The following DOCK5 variants were observed in gnomAD, a reference collection of about 807,000 sequenced individuals.
The protein encoded by DOCK5 is dedicator of cytokinesis 5.
DOCK5 carries 142 observed loss-of-function variants against 251.8 expected under a neutral mutation model. The observed-to-expected ratio is 0.56, with a 90% CI of 0.49 to 0.65. The LOEUF is 0.65. Ranked by LOEUF, DOCK5 falls within the 30% of genes least tolerant of loss-of-function variation. The pLI is 0.00. For missense variants in DOCK5, 2,111 were observed against 2,312.3 expected (o/e 0.91, Z 1.79); for synonymous variants, 842 against 835.5 (o/e 1.01, Z -0.13).
rs9644039 is a variant in DOCK5, at chr8:25,354,196, A to C, written c.2850+2370A>C. Among the ~76,000 whole-genome samples, 1,319 of 152,250 alleles carry C rather than the reference A, an allele frequency of 8.7e-3. 41 individuals carry two copies. The highest frequency in any genetic ancestry group is 0.059 in the Admixed American group (900 of 15,288). On this transcript the variant is annotated intron_variant, in intron 27 of 51. Transcript: ENST00000276440. ...ACTAACAGATGGAGTGCAATTTAGC[A>C]GATCAAGATGGAAAAAAACAGGATT...
Position 25,267,602 on chromosome 8 carries a change from G to A in DOCK5, c.128-1243G>A, listed in dbSNP as rs76251556. On this transcript the variant is annotated intron_variant, in intron 2 of 51. Coordinates refer to ENST00000276440, the MANE Select transcript of DOCK5 (RefSeq NM_024940.8). ...CTGTGTATATATGGCTACCTTATACGTGTATGCCGTTACTTTCAGTGGCAA... is the reference window on the plus strand; with the variant it reads ...CTGTGTATATATGGCTACCTTATACATGTATGCCGTTACTTTCAGTGGCAA... Among the ~76,000 whole-genome samples, 1,235 of 152,196 alleles carry A rather than the reference G, an allele frequency of 8.1e-3. 21 individuals are homozygous for A. Among genetic ancestry groups the A allele is most frequent in the African/African-American group, 0.028 (1,170 of 41,518 alleles).
At chr8:25,322,732 C>T (rs957940603) in intron 16 of DOCK5, among the ~76,000 whole-genome samples, 1 of 152,224 alleles carries the variant, frequency 6.6e-6, no homozygotes, top group Non-Finnish European at 1.5e-5. Context: ...AGGTTAGGCA[C>T]TTGCCTGTGG....
chr8:25,366,748 T>G, intron 30 of DOCK5, 122 bp from the exon 31 acceptor site: 1 of 641,400 alleles, frequency 1.6e-6, no homozygotes. Context: ...AGAATGTAGA[T>G]TGTATTTTGT....
intron 28 of DOCK5, among the ~76,000 whole-genome samples, chr8:25,362,060 T>C (rs1012259443): frequency 5.3e-5 from 8 of 152,220 alleles, no homozygotes; most frequent in African/African-American, 1.7e-4. Flanking sequence ...CAGCCCCCTT[T>C]GGAGCAGAAG....
intron 44 of DOCK5, among the ~76,000 whole-genome samples, chr8:25,393,103 C>A (rs1281729065): frequency 6.6e-6 from 1 of 152,150 alleles, no homozygotes; most frequent in Non-Finnish European, 1.5e-5. Flanking sequence ...GTGAATGACT[C>A]TTTTATGTCC....
intron 1 of DOCK5, among the ~76,000 whole-genome samples, chr8:25,214,870 G>A (rs576782503): frequency 6.6e-6 from 1 of 152,300 alleles, no homozygotes; most frequent in East Asian, 1.9e-4. Context: ...GGACCAGATG[G>A]GATGGCTAGA....
intron 37 of DOCK5, chr8:25,376,519 CT>C (rs1176100770): frequency 3.0e-6 from 1 of 329,774 alleles, no homozygotes; most frequent in African/African-American, 2.2e-5. Flanking sequence ...CTGGTAGTTA[CT>C]CTTGATTGCT....
At chr8:25,252,194 G>T (rs144723847) in intron 2 of DOCK5, among the ~76,000 whole-genome samples, 2 of 152,084 alleles carry the variant, frequency 1.3e-5, no homozygotes, top group East Asian at 1.9e-4. Context: ...TCTCTTTATT[G>T]TTCCTCCTTT....
At chr8:25,372,026 T>G (rs1370912950) in intron 34 of DOCK5, among the ~76,000 whole-genome samples, 1 of 152,220 alleles carries the variant, frequency 6.6e-6, no homozygotes, top group Admixed American at 6.5e-5. Context: ...AGCTAACACT[T>G]TTATCTAAAG....
chr8:25,334,336 G>T lies in DOCK5; in HGVS notation c.2192+140G>T, dbSNP rs373299376. The T allele has an allele frequency of 2.5e-4, 171 of 692,776 alleles. 3 individuals carry two copies. In the South Asian group the frequency reaches 2.7e-3, roughly 11 times the overall value. The allele number at this position is 692,776 out of a possible 1,614,324, so 42.9% of individuals were successfully genotyped here. A position where few individuals can be genotyped will look rare whatever the true frequency, so the allele number is the denominator to read the frequency against. ...GGCAGAACTCTTATTCTAAGCTTCC[G>T]GGTGGAAAAAGGGAACCATCTAAGT... is the stretch of plus-strand genomic sequence containing the variant. On this transcript the variant is annotated intron_variant, in intron 21 of 51. Coordinates refer to ENST00000276440, the MANE Select transcript of DOCK5 (RefSeq NM_024940.8).
At chr8:25,410,939 ATGTG>A (rs763758410) in intron 51 of DOCK5, among the ~76,000 whole-genome samples, 2,804 of 102,140 alleles carry the variant, frequency 0.027, 99 homozygotes, top group African/African-American at 0.085. Flanking sequence ...GAGAGAGAAA[ATGTG>A]TGTGTGTGTG....
At chr8:25,244,416 C>G (rs942290523) in intron 2 of DOCK5, among the ~76,000 whole-genome samples, 18 of 152,326 alleles carry the variant, frequency 1.2e-4, no homozygotes, top group African/African-American at 4.3e-4. Context: ...AAGTCTTCCT[C>G]CATATATCCA....
chr8:25,387,438 C>T (rs2709601), intron 40 of DOCK5, among the ~76,000 whole-genome samples: 146,126 of 152,266 alleles, frequency 0.96, 70,350 homozygotes, highest in East Asian at 1. Flanking sequence ...CCTGTCTGCC[C>T]TGCCCTTCTC....
At chr8:25,359,238 A>G (rs1423688875) in intron 28 of DOCK5, among the ~76,000 whole-genome samples, 177 bp downstream of exon 28, 2 of 152,256 alleles carry the variant, frequency 1.3e-5, no homozygotes, top group Non-Finnish European at 2.9e-5. Flanking sequence ...TCTCTTTGAT[A>G]GGATTTGAAA....
chr8:25,337,585 CTTT>C (rs71549899), intron 22 of DOCK5, among the ~76,000 whole-genome samples: 4 of 128,622 alleles, frequency 3.1e-5, no homozygotes, highest in Admixed American at 7.9e-5. Context: ...ATGATAGATT[CTTT>C]TTTTTTTTTT....
At position 25,244,005 on chromosome 8, in the gene DOCK5, G is replaced by T. The variant is rs568417839; in HGVS notation, c.127+248G>T. 2.0e-5 allele frequency among the ~76,000 whole-genome samples: 3 copies of T among 152,348 alleles called. No individual in the cohort carries two copies. In the East Asian group the frequency reaches 5.8e-4, roughly 29 times the overall value. On this transcript the variant is annotated intron_variant, in intron 2 of 51. Transcript: ENST00000276440. ...TCATGCATATGTGAAGGGTGCTGGT[G>T]TGGCCAGGCCACTTGGGCACAGAAG...
At chr8:25,297,955 G>C (rs544940625) in intron 7 of DOCK5, among the ~76,000 whole-genome samples, 1 of 151,718 alleles carries the variant, frequency 6.6e-6, no homozygotes, top group South Asian at 2.1e-4. Flanking sequence ...TACCCAGGAG[G>C]CTGAGGCAGG....
At chr8:25,185,909 A>G (rs1167941636) in intron 1 of DOCK5, among the ~76,000 whole-genome samples, 1 of 152,164 alleles carries the variant, frequency 6.6e-6, no homozygotes, top group East Asian at 1.9e-4. Context: ...GGTGATTACA[A>G]TGGCAGTTAG....
intron 11 of DOCK5, 167 bp from the exon 12 acceptor site, chr8:25,308,616 T>A: frequency 2.5e-6 from 2 of 794,778 alleles, no homozygotes; most frequent in Non-Finnish European, 3.7e-6. Context: ...GTGAATTTAG[T>A]ATTTAAGATG....
Sources: allele counts gnomAD v4.1 joint callset (sites outside exome capture counted in the v4.1 genomes callset), GRCh38; gene constraint gnomAD v4.1.1; transcripts MANE v1.5; gene names NCBI Gene and HGNC (gene_info 2026-07-23, HGNC 2026-07-21).